The following CUX1 variants were observed in gnomAD, a reference collection of about 807,000 sequenced individuals.
CUX1 encodes the protein protein CASP.
A neutral mutation model predicts 158.8 loss-of-function variants in CUX1; 31 were observed. The ratio of observed to expected loss-of-function variants is 0.20; its 90% confidence interval spans 0.15 to 0.26. The LOEUF (loss-of-function observed/expected upper bound fraction) is 0.26. Ranked by LOEUF, CUX1 falls within the 10% of genes least tolerant of loss-of-function variation. CUX1 has a pLI of 1.00. For missense variants in CUX1, 1,589 were observed against 2,014.6 expected (o/e 0.79, Z 4.04); for synonymous variants, 879 against 862.1 (o/e 1.02, Z -0.34).
chr7:102,239,193 T>G, intron 22 of CUX1, 127 bp from the exon 23 acceptor site: 1 of 1,104,984 alleles, frequency 9.0e-7, no homozygotes, highest in Non-Finnish European at 1.3e-6. Context: ...AGCCTCATCT[T>G]AGTGTTTTGA....
intron 18 of CUX1, among the ~76,000 whole-genome samples, chr7:102,279,550 T>C (rs1276945103): frequency 6.6e-6 from 1 of 151,942 alleles, no homozygotes; most frequent in Non-Finnish European, 1.5e-5. Context: ...TGGGGCATAG[T>C]GGGGCAGGGA....
rs551545171 is a variant in CUX1 at position 101,965,705 on chromosome 7, G to A, written c.141+49480G>A. ...TACTAAAAATACAAAAAAAATTAGC[G>A]GGGCGTGGTGGCAGGCGCCTGTAGT... On this transcript the variant is annotated intron_variant, in intron 2 of 23. Coordinates refer to ENST00000292535, the MANE Select transcript of CUX1 (RefSeq NM_181552.4). 1.1e-4 allele frequency among the ~76,000 whole-genome samples: 16 copies of A among 151,472 alleles called. No individual in the cohort carries two copies. The South Asian group carries it at 2.3e-3, about 22-fold the overall frequency.
In CUX1 at chr7:102,252,092, T is replaced by C; in HGVS notation, c.*3050T>C. Reference sequence around the variant, plus strand: ...TCAGTTGGTTAAATTTTGCTTGCAGTTCTGTGTATTTTTTTTCCTCTATTA... The same window carrying C: ...TCAGTTGGTTAAATTTTGCTTGCAGCTCTGTGTATTTTTTTTCCTCTATTA... On this transcript the variant is annotated 3_prime_UTR_variant, in exon 24 of 24. Transcript: ENST00000292535. The C allele has an allele frequency of 1.0e-6, 1 of 985,262 alleles. No individual in the cohort carries two copies. The highest frequency in any genetic ancestry group is 1.2e-6 in the Non-Finnish European group (1 of 829,774). The allele number at this position is 985,262 out of a possible 1,614,324, so 61.0% of individuals were successfully genotyped here.
At chr7:101,817,158 T>G, upstream of CUX1, 1 of 983,824 alleles carries the variant, frequency 1.0e-6, no homozygotes. The surrounding 1 kb of genome is among the most constrained non-coding windows in gnomAD (Gnocchi z 4.1). Context: ...GGCTGCAACT[T>G]TCCCCTAGGC....
intron 3 of CUX1, among the ~76,000 whole-genome samples, chr7:102,036,901 G>A (rs1388247653): frequency 6.6e-6 from 1 of 151,900 alleles, no homozygotes; most frequent in African/African-American, 2.4e-5. Flanking sequence ...TAGATTAAAC[G>A]AAGTTGAGAC....
intron 8 of CUX1, among the ~76,000 whole-genome samples, chr7:102,138,314 A>G (rs1192981556): frequency 1.3e-5 from 2 of 152,314 alleles, no homozygotes; most frequent in Admixed American, 6.5e-5. Flanking sequence ...TTACTGATAT[A>G]ACTCTTAACT....
chr7:102,136,096 A>G lies in CUX1; in HGVS notation c.674+20823A>G, dbSNP rs138893066. Among the ~76,000 whole-genome samples the G allele has an allele frequency of 3.6e-3, 541 of 152,080 alleles. 7 individuals are homozygous for G. Among genetic ancestry groups the G allele is most frequent in the Admixed American group, 0.027 (413 of 15,268 alleles). ...AAAATAATATTTGTTTCTGTTTGTT[A>G]TTCTTTAATACTCAGTTTGCCCAAT... On this transcript the variant is annotated intron_variant, in intron 8 of 23. Coordinates refer to ENST00000292535, the MANE Select transcript of CUX1 (RefSeq NM_181552.4).
At chr7:102,263,761 C>T (rs1330757250) in intron 14 of CUX1, among the ~76,000 whole-genome samples, 3 of 152,032 alleles carry the variant, frequency 2.0e-5, no homozygotes, top group African/African-American at 7.2e-5. Context: ...GGTGCGATCT[C>T]AGCTCACTGC....
chr7:102,247,512 G>T (rs1800940481), intron 23 of CUX1, among the ~76,000 whole-genome samples: 1 of 152,226 alleles, frequency 6.6e-6, no homozygotes, highest in South Asian at 2.1e-4. Context: ...GGGATGGGAT[G>T]GAGGAAACGT....
At chr7:101,965,782 G>C (rs1811114418) in intron 2 of CUX1, among the ~76,000 whole-genome samples, 1 of 135,382 alleles carries the variant, frequency 7.4e-6, no homozygotes, top group Non-Finnish European at 1.5e-5. Context: ...CCGGGAGGCA[G>C]AGCTTGCAGT....
intron 8 of CUX1, among the ~76,000 whole-genome samples, chr7:102,133,363 G>C (rs1179522833): frequency 6.6e-6 from 1 of 151,782 alleles, no homozygotes; most frequent in Non-Finnish European, 1.5e-5. Context: ...CTTACCTGCT[G>C]TGGTGAAAGA....
At chr7:102,280,058 G>A in exon 19 of CUX1, 1 of 1,610,068 alleles carries the variant, frequency 6.2e-7, no homozygotes, top group Non-Finnish European at 8.5e-7. Flanking sequence ...TGATGACACG[G>A]AGCTGCGGTA....
intron 11 of CUX1, among the ~76,000 whole-genome samples, chr7:102,180,419 C>T (rs774955862): frequency 6.7e-5 from 10 of 149,696 alleles, no homozygotes; most frequent in African/African-American, 9.9e-5. Context: ...CGGGCTCAAG[C>T]GATTCTCCTT....
intron 2 of CUX1, among the ~76,000 whole-genome samples, chr7:101,988,018 C>G (rs1814554786): frequency 6.6e-6 from 1 of 152,058 alleles, no homozygotes; most frequent in Non-Finnish European, 1.5e-5. Context: ...TCGAGACCAG[C>G]CTGGCCAACA....
intron 2 of CUX1, among the ~76,000 whole-genome samples, chr7:101,991,785 G>C (rs1412771466): frequency 6.7e-6 from 1 of 150,170 alleles, no homozygotes; most frequent in African/African-American, 2.4e-5. Flanking sequence ...AAATCAGTTA[G>C]TAGCCAGGCA....
intron 22 of CUX1, among the ~76,000 whole-genome samples, chr7:102,238,871 C>T (rs782389589): frequency 3.3e-5 from 5 of 151,962 alleles, no homozygotes; most frequent in African/African-American, 4.8e-5. Context: ...CTCATCTTAG[C>T]GTTGTTTCTT....
intron 2 of CUX1, among the ~76,000 whole-genome samples, chr7:102,022,272 C>T (rs1233822461): frequency 6.6e-6 from 1 of 152,134 alleles, no homozygotes; most frequent in African/African-American, 2.4e-5. Flanking sequence ...TAGCATTTTG[C>T]TGTTCAGTTC....
chr7:102,064,277 T>A (rs1215130428), intron 3 of CUX1, among the ~76,000 whole-genome samples: 1 of 152,118 alleles, frequency 6.6e-6, no homozygotes, highest in African/African-American at 2.4e-5. Context: ...CTTGAACTCC[T>A]GGGCTCAAGC....
At chr7:102,277,045 A>G (rs1554547888) in intron 17 of CUX1, among the ~76,000 whole-genome samples, 1 of 152,196 alleles carries the variant, frequency 6.6e-6, no homozygotes, top group Non-Finnish European at 1.5e-5. Flanking sequence ...CATGCCTGTA[A>G]TCCCAGCACA....
Sources: allele counts gnomAD v4.1 joint callset (sites outside exome capture counted in the v4.1 genomes callset), GRCh38; gene constraint gnomAD v4.1.1; non-coding constraint Gnocchi (gnomAD v3.1); transcripts MANE v1.5; gene names NCBI Gene and HGNC (gene_info 2026-07-23, HGNC 2026-07-21).